The following CUBN variants were observed in gnomAD, a reference collection of about 807,000 sequenced individuals.
CUBN encodes cubilin.
A neutral mutation model predicts 405.3 loss-of-function variants in CUBN; 282 were observed. The observed-to-expected ratio is 0.70, with a 90% CI of 0.63 to 0.77. CUBN has a LOEUF of 0.77. Ranked by LOEUF, CUBN falls within the 30% of genes least tolerant of loss-of-function variation. The pLI is 0.00. For missense variants in CUBN, 4,514 were observed against 4,475.2 expected (o/e 1.01, Z -0.25); for synonymous variants, 1,684 against 1,617.0 (o/e 1.04, Z -0.99).
At chr10:16,949,563 AT>A (rs759949389) in intron 34 of CUBN, among the ~76,000 whole-genome samples, 24 of 151,772 alleles carry the variant, frequency 1.6e-4, no homozygotes, top group Non-Finnish European at 2.8e-4. Flanking sequence ...AAAAAGACAG[AT>A]TTTTAATGGA....
intron 8 of CUBN, among the ~76,000 whole-genome samples, chr10:17,112,108 G>T: frequency 6.6e-6 from 1 of 152,260 alleles, no homozygotes; most frequent in Non-Finnish European, 1.5e-5. Flanking sequence ...GGTTCCCATT[G>T]TATTCAATGG....
In CUBN at chr10:17,019,944, C is replaced by A; in HGVS notation, c.4057G>T (p.Val1353Leu). 6.2e-7 allele frequency: 1 copy of A among 1,614,080 alleles called. No individual in the cohort carries two copies. The highest frequency in any genetic ancestry group is 8.5e-7 in the Non-Finnish European group (1 of 1,179,954). ...GTACTCCCTGGAGGGGGCAGGTCTA[C>A]TCCACAGTAGCGTCCCATCTGCCGT... Reference protein sequence around the residue: ...GPRQMGRYCGVDLPPPGSTTS... With the variant: ...GPRQMGRYCGLDLPPPGSTTS... The change falls in exon 28 of 67, where the codon GTA becomes TTA. Residue 1353 changes from valine to leucine, a missense_variant. By Grantham distance (32) the Val-to-Leu change is conservative (BLOSUM62 1). Coordinates refer to ENST00000377833, the MANE Select transcript of CUBN (RefSeq NM_001081.4).
chr10:17,022,817 C>A (rs376636777), intron 27 of CUBN, among the ~76,000 whole-genome samples: 9 of 152,284 alleles, frequency 5.9e-5, no homozygotes, highest in African/African-American at 1.9e-4. Context: ...CAAATCTTAA[C>A]CTTTGGATTG....
chr10:16,918,576 A>T (rs572046541), intron 45 of CUBN, 46 bp downstream of exon 45: 1 of 1,443,506 alleles, frequency 6.9e-7, no homozygotes. Flanking sequence ...ACAAATCTGC[A>T]CATGTACCCC....
Position 16,933,116 on chromosome 10 carries a change from C to T in CUBN, c.6095G>A (p.Cys2032Tyr), listed in dbSNP as rs201720797. 3.2e-5 allele frequency: 51 copies of T among 1,613,962 alleles called. 1 individual carries two copies. The highest frequency in any genetic ancestry group is 4.2e-5 in the Non-Finnish European group (50 of 1,180,022). The change falls in exon 40 of 67, where the codon TGT (cysteine) becomes TAT (tyrosine). Residue 2032 changes from cysteine (C) to tyrosine (Y), a missense_variant. Coordinates refer to ENST00000377833, the MANE Select transcript of CUBN (RefSeq NM_001081.4). ...LSLDIESHRTCAYDSLVIRDG... is the reference protein window; with the variant it reads ...LSLDIESHRTYAYDSLVIRDG... ...TCGTATCACAAGGCTATCATAGGCA[C>T]ACGTTCGGTGAGATTCAATGTCCAG... is the stretch of plus-strand genomic sequence containing the variant.
intron 15 of CUBN, among the ~76,000 whole-genome samples, chr10:17,087,472 CTTTTTTT>C (rs775573918): frequency 1.4e-5 from 1 of 71,712 alleles, no homozygotes; most frequent in Non-Finnish European, 2.6e-5. Flanking sequence ...TTTTCTTTTT[CTTTTTTT>C]TTTTTTTTTT....
Position 16,906,403 on chromosome 10 carries a change from C to G in CUBN, c.7712G>C (p.Gly2571Ala), listed in dbSNP as rs1391510992. 6.2e-7 allele frequency: 1 copy of G among 1,611,388 alleles called. No homozygotes were observed. Among genetic ancestry groups the G allele is most frequent in the African/African-American group, 1.3e-5 (1 of 74,874 alleles). ...SYTSSEDAVCGGSLPNTPEGN... is the reference protein window; with the variant it reads ...SYTSSEDAVCAGSLPNTPEGN... Reference sequence around the variant, plus strand: ...TTCAGGAGTATTTGGAAGAGACCCACCACACACTAAGAAAACAGAAGGCAA... The same window carrying G: ...TTCAGGAGTATTTGGAAGAGACCCAGCACACACTAAGAAAACAGAAGGCAA... The change falls in exon 50 of 67, where the codon GGT becomes GCT. Residue 2571 changes from glycine (G) to alanine (A), a missense_variant. Physicochemically the swap from Gly to Ala is moderately conservative, Grantham distance 60 (BLOSUM62 0). Coordinates refer to ENST00000377833, the MANE Select transcript of CUBN (RefSeq NM_001081.4).
At chr10:16,828,753 C>T (rs1323516979) in intron 66 of CUBN, 52 bp downstream of exon 66, 2 of 1,361,860 alleles carry the variant, frequency 1.5e-6, no homozygotes, top group Non-Finnish European at 2.1e-6. Flanking sequence ...CTAAGTGACT[C>T]ATTATTGTCT....
chr10:16,900,678 T>C lies in CUBN; in HGVS notation c.8357A>G (p.Asp2786Gly), dbSNP rs545430321. The C allele has an allele frequency of 5.0e-6, 8 of 1,614,196 alleles. No individual in the cohort carries two copies. The South Asian group carries it at 7.7e-5, about 16-fold the overall frequency. The change falls in exon 53 of 67, where the codon GAC (aspartate) becomes GGC (glycine). Residue 2786 changes from aspartate (D) to glycine (G), a missense_variant. Physicochemically the swap from Asp to Gly is moderately conservative, Grantham distance 94 (BLOSUM62 -1). Coordinates refer to ENST00000377833, the MANE Select transcript of CUBN (RefSeq NM_001081.4). ...AAATCCACCACCTTGCAATGAATGG[T>C]CTGAGTTAAAAGTCACGACCAGCTG... ...SNQLVVTFNS[D>G]HSLQGGGFYA...
chr10:16,931,322 A>G (rs1842359189), intron 40 of CUBN, among the ~76,000 whole-genome samples: 1 of 152,172 alleles, frequency 6.6e-6, no homozygotes, highest in Non-Finnish European at 1.5e-5. Flanking sequence ...GTAAATGACT[A>G]CAATACTCAC....
intron 62 of CUBN, among the ~76,000 whole-genome samples, chr10:16,837,140 A>G (rs1839196053): frequency 6.6e-6 from 1 of 150,738 alleles, no homozygotes; most frequent in Non-Finnish European, 1.5e-5. Flanking sequence ...TCCTTGTCTA[A>G]CTTTGCTGTA....
chr10:16,849,440 T>C (rs1470391165), intron 60 of CUBN, among the ~76,000 whole-genome samples: 3 of 152,148 alleles, frequency 2.0e-5, no homozygotes, highest in Admixed American at 6.5e-5. Context: ...GTCCTCTCTA[T>C]TCGTGGAGCT....
intron 58 of CUBN, among the ~76,000 whole-genome samples, chr10:16,872,395 A>G (rs1840385132): frequency 6.6e-6 from 1 of 150,508 alleles, no homozygotes; most frequent in Non-Finnish European, 1.5e-5. Context: ...GAGAATATAT[A>G]ACATACCTCT....
chr10:16,889,956 G>GAAA (rs1840952263), intron 55 of CUBN, among the ~76,000 whole-genome samples: 1 of 131,728 alleles, frequency 7.6e-6, no homozygotes, highest in African/African-American at 3.4e-5. Flanking sequence ...AAAAAAAACA[G>GAAA]GAAAGACTTC....
At chr10:17,123,519 C>A in intron 5 of CUBN, 69 bp downstream of exon 5, 1 of 1,150,372 alleles carries the variant, frequency 8.7e-7, no homozygotes, top group Non-Finnish European at 1.3e-6. Context: ...ATTAAATATG[C>A]CTGATGATTC....
intron 56 of CUBN, among the ~76,000 whole-genome samples, chr10:16,884,938 CAG>C (rs1320153264): frequency 1.3e-5 from 2 of 152,162 alleles, no homozygotes; most frequent in Non-Finnish European, 2.9e-5. Context: ...GCCATTTGAA[CAG>C]AGTCTCTCAG....
At chr10:17,066,132 C>A (rs1416711425) in intron 21 of CUBN, among the ~76,000 whole-genome samples, 1 of 152,078 alleles carries the variant, frequency 6.6e-6, no homozygotes, top group Non-Finnish European at 1.5e-5. Context: ...GTATATAAAG[C>A]ACTTAGAACA....
At chr10:16,931,038 C>T (rs998618742) in intron 40 of CUBN, among the ~76,000 whole-genome samples, 15 of 151,400 alleles carry the variant, frequency 9.9e-5, no homozygotes, top group Non-Finnish European at 2.1e-4. Flanking sequence ...GGGCAGATCA[C>T]GAGGTCAGGA....
Position 16,831,314 on chromosome 10 carries a change from A to T in CUBN, c.10466T>A (p.Phe3489Tyr). The T allele has an allele frequency of 6.2e-7, 1 of 1,613,932 alleles. No homozygotes were observed. The highest frequency in any genetic ancestry group is 8.5e-7 in the Non-Finnish European group (1 of 1,179,794). ...ATCAGAAGTTACACTATCACTCTTA[A>T]ATCGTAGGTATAGTTCATTATTTTG... ...FSQNNELYLR[F>Y]KSDSVTSDRG... is the part of the protein sequence containing the mutation. Residue 3489 changes from phenylalanine to tyrosine, a missense_variant, in exon 65 of 67, where the codon TTT becomes TAT. Phe to Tyr is a conservative substitution (Grantham distance 22). Transcript: ENST00000377833.
Sources: allele counts gnomAD v4.1 joint callset (sites outside exome capture counted in the v4.1 genomes callset), GRCh38; gene constraint gnomAD v4.1.1; transcripts MANE v1.5; gene names NCBI Gene and HGNC (gene_info 2026-07-23, HGNC 2026-07-21).